Variants in CARS1 observed in about 807,000 individuals in gnomAD.
CARS1 encodes cysteinyl-tRNA synthetase 1.
A neutral mutation model predicts 106.2 loss-of-function variants in CARS1; 48 were observed. The ratio of observed to expected loss-of-function variants is 0.45; its 90% CI spans 0.36 to 0.57. The LOEUF (loss-of-function observed/expected upper bound fraction) is 0.57, where lower values mean the gene tolerates loss of function less well. Among genes scored for constraint, CARS1 ranks in the 20% least tolerant of loss-of-function variants. CARS1 has a pLI of 0.00. For synonymous variants in CARS1, 409 were observed against 403.4 expected (o/e 1.01, Z -0.17); for missense variants, 968 against 1,057.2 (o/e 0.92, Z 1.17).
rs1441700430 is a variant in CARS1 at position 3,020,750 on chromosome 11, G to A, written c.1154-418C>T. Among the ~76,000 whole-genome samples the A allele has an allele frequency of 6.6e-6, 1 of 152,218 alleles. No individual in the cohort carries two copies. The highest frequency in any genetic ancestry group is 6.5e-5 in the Admixed American group (1 of 15,278). ...ATCCTGCCTGGTTCATGCGGGTGGGGTCAATATGTCAAGGGCCCGCACAAC... is the reference window on the plus strand; with the variant it reads ...ATCCTGCCTGGTTCATGCGGGTGGGATCAATATGTCAAGGGCCCGCACAAC... On this transcript the variant is annotated intron_variant, in intron 10 of 22. Transcript: ENST00000380525. The surrounding 1 kb of genome is among the most constrained non-coding windows in gnomAD (Gnocchi z 4.6).
chr11:3,056,445 C>G (rs1430398372), intron 1 of CARS1, among the ~76,000 whole-genome samples: 1 of 152,222 alleles, frequency 6.6e-6, no homozygotes, highest in Non-Finnish European at 1.5e-5. Context: ...GAAGAACCCA[C>G]TGGTCTCTCA....
In CARS1 at chr11:3,034,637, C is replaced by G. The variant is rs1590458176; in HGVS notation, c.801+3413G>C. Among the ~76,000 whole-genome samples, 3 of 152,182 alleles carry G rather than the reference C, an allele frequency of 2.0e-5. No individual in the cohort carries two copies. Among genetic ancestry groups the G allele is most frequent in the African/African-American group, 4.8e-5 (2 of 41,436 alleles). ...CTCTGACTCCCTGGTTCAAGGGATTCTCCCACCTCAGCCTCCCAAGTAGCT... is the reference window on the plus strand; with the variant it reads ...CTCTGACTCCCTGGTTCAAGGGATTGTCCCACCTCAGCCTCCCAAGTAGCT... On this transcript the variant is annotated intron_variant, in intron 7 of 22. Transcript: ENST00000380525. This position sits in a 1 kb window ranked among gnomAD's most constrained non-coding sequence, Gnocchi z 6.3.
intron 10 of CARS1, among the ~76,000 whole-genome samples, chr11:3,025,538 G>A (rs1309165389): frequency 6.6e-6 from 1 of 152,196 alleles, no homozygotes; most frequent in African/African-American, 2.4e-5. Flanking sequence ...TTTAGGTTCT[G>A]ATATTTCTTT....
intron 9 of CARS1, 45 bp from the exon 10 acceptor site, chr11:3,026,842 G>C: frequency 6.3e-7 from 1 of 1,582,602 alleles, no homozygotes; most frequent in African/African-American, 1.3e-5. Context: ...TAACAGACCC[G>C]AAAGTGTGTC....
Position 3,019,471 on chromosome 11 carries a change from G to A in CARS1, c.1267-204C>T, listed in dbSNP as rs141347814. On this transcript the variant is annotated intron_variant, in intron 11 of 22. Transcript: ENST00000380525. This position sits in a 1 kb window ranked among gnomAD's most constrained non-coding sequence, Gnocchi z 6.2. Reference sequence around the variant, plus strand: ...AGCACTTTGCGATGCCGAGGCAGACGGATCACCAGGTCAGGAGTTCAAGAC... The same window carrying A: ...AGCACTTTGCGATGCCGAGGCAGACAGATCACCAGGTCAGGAGTTCAAGAC... 5.6e-3 allele frequency among the ~76,000 whole-genome samples: 860 copies of A among 152,262 alleles called. 5 individuals carry two copies. The highest frequency in any genetic ancestry group is 0.017 in the Middle Eastern group (5 of 294).
chr11:3,018,566 T>C (rs1851269497), intron 13 of CARS1, 54 bp downstream of exon 13: 3 of 1,612,974 alleles, frequency 1.9e-6, no homozygotes, highest in Non-Finnish European at 2.5e-6. Context: ...GCTACAGCCA[T>C]TACACATGTA....
Position 3,039,512 on chromosome 11 carries a change from T to C in CARS1, c.553-220A>G, listed in dbSNP as rs1854142504. 6.6e-6 allele frequency among the ~76,000 whole-genome samples: 1 copy of C among 152,164 alleles called. No individual in the cohort carries two copies. The highest frequency in any genetic ancestry group is 1.5e-5 in the Non-Finnish European group (1 of 68,034). ...GGCCTAACATGATCTTTCTGACGCT[T>C]AATGAAATGAGCCCTGGGGGCCCCA... is the stretch of plus-strand genomic sequence containing the variant. On this transcript the variant is annotated intron_variant, in intron 5 of 22. Transcript: ENST00000380525. The surrounding 1 kb of genome is among the most constrained non-coding windows in gnomAD (Gnocchi z 5.6).
rs921596751 is a variant in CARS1, at chr11:3,019,665, C to T, written c.1267-398G>A. 9.9e-5 allele frequency among the ~76,000 whole-genome samples: 15 copies of T among 151,254 alleles called. No homozygotes were observed. The highest frequency in any genetic ancestry group is 3.4e-3 in the Middle Eastern group (1 of 294). ...CAGAGGTTGCAGTGAGCTGAGATCG[C>T]GCCACTGCACTCCAGCCTGGTGACA... On this transcript the variant is annotated intron_variant, in intron 11 of 22. Coordinates refer to ENST00000380525, the MANE Select transcript of CARS1 (RefSeq NM_001014437.3). This position sits in a 1 kb window ranked among gnomAD's most constrained non-coding sequence, Gnocchi z 6.2.
In CARS1 at chr11:3,039,813, T is replaced by G; in HGVS notation, c.552+22A>C. On this transcript the variant is annotated intron_variant, in intron 5 of 22. Transcript: ENST00000380525. This position sits in a 1 kb window ranked among gnomAD's most constrained non-coding sequence, Gnocchi z 5.6. ...ACACCATCCAATTGCATTTAAAATT[T>G]AATCTTACAAATTCCCTTTACCTTG... 7.9e-7 allele frequency: 1 copy of G among 1,267,972 alleles called. No homozygotes were observed. Among genetic ancestry groups the G allele is most frequent in the Non-Finnish European group, 1.1e-6 (1 of 896,998 alleles). The allele number at this position is 1,267,972 out of a possible 1,614,324, so 78.5% of individuals were successfully genotyped here.
chr11:3,000,932 C>T lies in CARS1; in HGVS notation c.*182G>A, dbSNP rs540391788. 7.5e-6 allele frequency: 5 copies of T among 667,990 alleles called. No homozygotes were observed. The highest frequency in any genetic ancestry group is 5.4e-5 in the African/African-American group (3 of 55,194). The allele number at this position is 667,990 out of a possible 1,614,324, so 41.4% of individuals were successfully genotyped here. A position where few individuals can be genotyped will look rare whatever the true frequency, so the allele number is the denominator to read the frequency against. On this transcript the variant is annotated 3_prime_UTR_variant, in exon 23 of 23. Transcript: ENST00000380525. The surrounding 1 kb of genome is among the most constrained non-coding windows in gnomAD (Gnocchi z 7.1). ...GCAGAACAAGACAGAGAGGGTCTCA[C>T]TGTTGAGAAAAATTTATTATCAATG...
At chr11:3,012,078 C>A (rs1278176461) in intron 18 of CARS1, 117 bp downstream of exon 18, 1 of 930,232 alleles carries the variant, frequency 1.1e-6, no homozygotes, top group South Asian at 1.4e-5. Context: ...GTGCACGGGG[C>A]AGCCTTCCCA....
At position 3,040,870 on chromosome 11, in the gene CARS1, G is replaced by A; in HGVS notation, c.455+26C>T. 6.2e-7 allele frequency: 1 copy of A among 1,609,166 alleles called. No homozygotes were observed. The highest frequency in any genetic ancestry group is 8.5e-7 in the Non-Finnish European group (1 of 1,177,106). ...ACTTCTGCGTGCAACTGCAGAAGCTGCAGGGACACCCCGCGGTGGACCTAC... is the reference window on the plus strand; with the variant it reads ...ACTTCTGCGTGCAACTGCAGAAGCTACAGGGACACCCCGCGGTGGACCTAC... On this transcript the variant is annotated intron_variant, in intron 4 of 22. Transcript: ENST00000380525. The surrounding 1 kb of genome is among the most constrained non-coding windows in gnomAD (Gnocchi z 5.8).
At position 3,052,167 on chromosome 11, in the gene CARS1, G is replaced by A. The variant is rs1405908848; in HGVS notation, c.26-4166C>T. On this transcript the variant is annotated intron_variant, in intron 1 of 22. Coordinates refer to ENST00000380525, the MANE Select transcript of CARS1 (RefSeq NM_001014437.3). The surrounding 1 kb of genome is among the most constrained non-coding windows in gnomAD (Gnocchi z 4.6). ...TTTTGAGCGCTGAGGAAGCAGTCTG[G>A]GAACTGAAGCCGCTGTGTATCCGCT... 6.6e-6 allele frequency among the ~76,000 whole-genome samples: 1 copy of A among 152,244 alleles called. No individual in the cohort carries two copies. Among genetic ancestry groups the A allele is most frequent in the Non-Finnish European group, 1.5e-5 (1 of 68,044 alleles).
rs1201405115 is a variant in CARS1 at position 3,029,540 on chromosome 11, A to G, written c.802-97T>C. On this transcript the variant is annotated intron_variant, in intron 7 of 22. Transcript: ENST00000380525. This position sits in a 1 kb window ranked among gnomAD's most constrained non-coding sequence, Gnocchi z 5.9. Reference sequence around the variant, plus strand: ...TGAGCCCATCAGTGCCCTGAATTCAAAGGTGCTGACCTTGACCTGTGAAGA... The same window carrying G: ...TGAGCCCATCAGTGCCCTGAATTCAGAGGTGCTGACCTTGACCTGTGAAGA... The G allele has an allele frequency of 6.4e-6, 9 of 1,396,918 alleles. No homozygotes were observed. The East Asian group carries it at 2.1e-4, about 33-fold the overall frequency. The allele number at this position is 1,396,918 out of a possible 1,614,324, so 86.5% of individuals were successfully genotyped here.
Position 3,053,956 on chromosome 11 carries a change from C to T in CARS1, c.25+3387G>A, listed in dbSNP as rs1167309629. Among the ~76,000 whole-genome samples, 1 of 152,170 alleles carries T rather than the reference C, an allele frequency of 6.6e-6. No individual in the cohort carries two copies. Among genetic ancestry groups the T allele is most frequent in the African/African-American group, 2.4e-5 (1 of 41,434 alleles). On this transcript the variant is annotated intron_variant, in intron 1 of 22. Coordinates refer to ENST00000380525, the MANE Select transcript of CARS1 (RefSeq NM_001014437.3). This position sits in a 1 kb window ranked among gnomAD's most constrained non-coding sequence, Gnocchi z 6.6. ...TTACTCCCTTTCTGCAAATGTTCCCCTGGTCCCACCCTCTACAGCTGCTCC... is the reference window on the plus strand; with the variant it reads ...TTACTCCCTTTCTGCAAATGTTCCCTTGGTCCCACCCTCTACAGCTGCTCC...
rs1417934006 is a variant in CARS1 at position 3,042,195 on chromosome 11, G to A, written c.336C>T (p.Leu112=). The A allele has an allele frequency of 3.7e-6, 6 of 1,613,832 alleles. No homozygotes were observed. Among genetic ancestry groups the A allele is most frequent in the African/African-American group, 2.7e-5 (2 of 74,934 alleles). ...TCCTGGTGAGGCTGTTGTAAAGGTG[G>A]AGTCTGCATGGCTGGGTCCCAGCAG... is the stretch of plus-strand genomic sequence containing the variant. ...SPPAGTQPCR[L]HLYNSLTRNK... The change falls in exon 3 of 23, where the codon CTC becomes CTT. Residue 112 remains leucine, a synonymous_variant. Transcript: ENST00000380525.
chr11:3,022,644 CT>C lies in CARS1; in HGVS notation c.1154-2313del, dbSNP rs765365969. Reference sequence around the variant, plus strand: ...CCAGAGGCAGAGTGAGTGTTTCTAGCTTTGACCCTACAAGCATGTTCATACC... The same window carrying C: ...CCAGAGGCAGAGTGAGTGTTTCTAGCTTGACCCTACAAGCATGTTCATACC... On this transcript the variant is annotated intron_variant, in intron 10 of 22. Coordinates refer to ENST00000380525, the MANE Select transcript of CARS1 (RefSeq NM_001014437.3). This position sits in a 1 kb window ranked among gnomAD's most constrained non-coding sequence, Gnocchi z 4.9. 8.9e-4 allele frequency among the ~76,000 whole-genome samples: 135 copies of C among 152,328 alleles called. 1 individual carries two copies. Among genetic ancestry groups the C allele is most frequent in the Admixed American group, 2.4e-3 (37 of 15,302 alleles).
intron 7 of CARS1, among the ~76,000 whole-genome samples, chr11:3,036,773 C>A (rs781479241): frequency 5.3e-5 from 8 of 152,154 alleles, no homozygotes; most frequent in African/African-American, 1.7e-4. Context: ...AAACAACCCA[C>A]GTGTCCACGG....
Position 3,046,291 on chromosome 11 carries a change from G to A in CARS1, c.274+1462C>T, listed in dbSNP as rs1855068560. Among the ~76,000 whole-genome samples the A allele has an allele frequency of 6.6e-6, 1 of 152,158 alleles. No individual in the cohort carries two copies. Among genetic ancestry groups the A allele is most frequent in the Non-Finnish European group, 1.5e-5 (1 of 68,028 alleles). On this transcript the variant is annotated intron_variant, in intron 2 of 22. Transcript: ENST00000380525. The surrounding 1 kb of genome is among the most constrained non-coding windows in gnomAD (Gnocchi z 5.8). ...AGGGAAGCCTGGACAGGCCACTGCT[G>A]AGCTGGACGTACCAGGCCCGCTTCA...
Sources: allele counts gnomAD v4.1 joint callset (sites outside exome capture counted in the v4.1 genomes callset), GRCh38; gene constraint gnomAD v4.1.1; non-coding constraint Gnocchi (gnomAD v3.1); transcripts MANE v1.5; gene names NCBI Gene and HGNC (gene_info 2026-07-23, HGNC 2026-07-21).